Variants in GALNT14 observed in about 807,000 individuals in gnomAD.
GALNT14 encodes the protein polypeptide N-acetylgalactosaminyltransferase 14.
A neutral mutation model predicts 77.5 loss-of-function variants in GALNT14; 60 were observed. That is an observed-to-expected ratio of 0.77 (90% CI 0.63 to 0.96). GALNT14 has a LOEUF of 0.96. Among genes scored for constraint, GALNT14 ranks in the 40% least tolerant of loss-of-function variants. The probability of loss-of-function intolerance (pLI) is 0.00; values close to 1 mark genes in which losing one functional copy is unlikely to be tolerated. For synonymous variants in GALNT14, 280 were observed against 281.7 expected, an observed-to-expected ratio of 0.99 and a Z score of 0.06; for missense variants, 710 against 731.0, an observed-to-expected ratio of 0.97 and a Z score of 0.33.
chr2:30,902,956 C>T, the GALNT14 span, among the ~76,000 whole-genome samples: 1 of 152,122 alleles, frequency 6.6e-6, no homozygotes, highest in Non-Finnish European at 1.5e-5. Context: ...TTCAACAGAG[C>T]CTGGACACAG....
At chr2:30,923,710 C>T (rs1039035860) in intron 13 of GALNT14, among the ~76,000 whole-genome samples, 1 of 152,170 alleles carries the variant, frequency 6.6e-6, no homozygotes, top group African/African-American at 2.4e-5. Context: ...GCATTCCGTC[C>T]TGTCCCAGAA....
At chr2:31,108,871 G>A (rs899533230) in intron 1 of GALNT14, among the ~76,000 whole-genome samples, 2 of 152,202 alleles carry the variant, frequency 1.3e-5, no homozygotes, top group Non-Finnish European at 2.9e-5. Context: ...GGAACAGGCA[G>A]ACTGAAAAGA....
chr2:31,118,867 A>T (rs1474939455), intron 1 of GALNT14, among the ~76,000 whole-genome samples: 3 of 152,194 alleles, frequency 2.0e-5, no homozygotes. Context: ...TGACATTGCC[A>T]TAGTAAAAGA....
intron 1 of GALNT14, among the ~76,000 whole-genome samples, chr2:31,100,645 T>C (rs1212363497): frequency 1.3e-5 from 2 of 152,070 alleles, no homozygotes; most frequent in Middle Eastern, 3.4e-3. Flanking sequence ...TCCTTTAGTG[T>C]TTCCTCAATA....
intron 1 of GALNT14, among the ~76,000 whole-genome samples, chr2:30,993,754 A>G (rs931531946): frequency 2.6e-5 from 4 of 152,238 alleles, no homozygotes; most frequent in Non-Finnish European, 5.9e-5. Flanking sequence ...TGAGTAGGGA[A>G]GATGAAGTTC....
intron 13 of GALNT14, among the ~76,000 whole-genome samples, chr2:30,918,976 TA>T (rs1030572171): frequency 1.2e-4 from 19 of 152,208 alleles, no homozygotes; most frequent in Admixed American, 2.0e-4. Context: ...CAGTCCAGAT[TA>T]GGGGGAGACT....
At chr2:30,977,425 T>C (rs1450228145) in intron 2 of GALNT14, among the ~76,000 whole-genome samples, 1 of 152,178 alleles carries the variant, frequency 6.6e-6, no homozygotes, top group African/African-American at 2.4e-5. Context: ...CGCTGCATGC[T>C]GGAAGATTCT....
chr2:30,961,900 C>T (rs1667715328), intron 3 of GALNT14, among the ~76,000 whole-genome samples: 1 of 152,032 alleles, frequency 6.6e-6, no homozygotes, highest in Non-Finnish European at 1.5e-5. Context: ...ACCATGTTAG[C>T]CAGGCTGGTC....
chr2:30,986,036 G>A lies in GALNT14; in HGVS notation c.299+6802C>T, dbSNP rs557070450. ...AAATAGAAGGAGGGAGAAATGCTAC[G>A]AGAGGCTGGGCCACTGCCCCTTCAT... On this transcript the variant is annotated intron_variant, in intron 2 of 14. Transcript: ENST00000349752. 1.4e-4 allele frequency among the ~76,000 whole-genome samples: 22 copies of A among 152,252 alleles called. No individual in the cohort carries two copies. In the South Asian group the frequency reaches 3.5e-3, roughly 24 times the overall value.
At chr2:31,116,153 A>G (rs528320719) in intron 1 of GALNT14, among the ~76,000 whole-genome samples, 15 of 152,328 alleles carry the variant, frequency 9.8e-5, no homozygotes, top group Admixed American at 9.1e-4. Flanking sequence ...AAAGAAAGAT[A>G]ACAGTCAGCA....
At chr2:30,948,173 A>G (rs116273991) in intron 6 of GALNT14, among the ~76,000 whole-genome samples, 2,061 of 152,352 alleles carry the variant, frequency 0.014, 15 homozygotes, top group South Asian at 0.029. Context: ...AAGTTCAGAG[A>G]TATCTTCTGT....
the GALNT14 span, among the ~76,000 whole-genome samples, chr2:30,888,205 A>G: frequency 6.6e-6 from 1 of 152,100 alleles, no homozygotes; most frequent in Non-Finnish European, 1.5e-5. Flanking sequence ...ATCTGTCTGC[A>G]CTCTAAGACT....
At position 31,038,080 on chromosome 2, in the gene GALNT14, ATATATTTTTTTTTTT is replaced by A. The variant is rs1448625774; in HGVS notation, c.130-45088_130-45074del. On this transcript the variant is annotated intron_variant, in intron 1 of 14. Coordinates refer to ENST00000349752, the MANE Select transcript of GALNT14 (RefSeq NM_024572.4). ...CCTTATTTGCCATATATATATATATATATATTTTTTTTTTTTTTTTTTTTTTTTTTTTTAGATGGA... is the reference window on the plus strand; with the variant it reads ...CCTTATTTGCCATATATATATATATATTTTTTTTTTTTTTTTTTAGATGGA... Among the ~76,000 whole-genome samples the A allele has an allele frequency of 2.3e-4, 17 of 72,440 alleles. No individual in the cohort carries two copies. In the East Asian group the frequency reaches 5.2e-3, roughly 22 times the overall value. The allele number at this position is 72,440 out of a possible 152,430, so 47.5% of individuals were successfully genotyped here.
At chr2:31,041,510 G>A (rs1354547203) in intron 1 of GALNT14, among the ~76,000 whole-genome samples, 1 of 152,130 alleles carries the variant, frequency 6.6e-6, no homozygotes, top group Non-Finnish European at 1.5e-5. Flanking sequence ...CAGGGGTAGA[G>A]TAAAAGTTTC....
intron 1 of GALNT14, among the ~76,000 whole-genome samples, chr2:31,038,207 G>A (rs1345301149): frequency 1.4e-5 from 2 of 147,874 alleles, no homozygotes; most frequent in African/African-American, 2.5e-5. Flanking sequence ...TGATTCTCCT[G>A]CCTCAGCCTC....
At chr2:31,084,128 T>C (rs933143058) in intron 1 of GALNT14, among the ~76,000 whole-genome samples, 1 of 152,182 alleles carries the variant, frequency 6.6e-6, no homozygotes, top group Non-Finnish European at 1.5e-5. Flanking sequence ...TGAACAAGCA[T>C]CGGGACTGGC....
chr2:31,111,006 G>C (rs923392282), intron 1 of GALNT14, among the ~76,000 whole-genome samples: 2 of 152,188 alleles, frequency 1.3e-5, no homozygotes, highest in African/African-American at 4.8e-5. Context: ...TTGTAAGACA[G>C]AGTTAGACAC....
intron 1 of GALNT14, among the ~76,000 whole-genome samples, chr2:31,095,580 G>C (rs1313149099): frequency 6.6e-6 from 1 of 152,004 alleles, no homozygotes; most frequent in Admixed American, 6.6e-5. Flanking sequence ...AAGAAATTTT[G>C]AAGCTTTTGA....
At chr2:30,981,667 A>G (rs1668998768) in intron 2 of GALNT14, among the ~76,000 whole-genome samples, 1 of 152,132 alleles carries the variant, frequency 6.6e-6, no homozygotes, top group African/African-American at 2.4e-5. Flanking sequence ...GGGGAGGGGC[A>G]CCACTGCCGA....
Sources: gnomAD v4.1 joint callset for allele counts (sites outside exome capture counted in the v4.1 genomes callset) on GRCh38, gnomAD v4.1.1 for gene constraint, MANE v1.5 for transcripts, NCBI Gene and HGNC (gene_info 2026-07-23, HGNC 2026-07-21) for gene names.